The following GDAP1 variants were observed in gnomAD, a reference collection of about 807,000 sequenced individuals.
GDAP1 encodes ganglioside-induced differentiation-associated protein 1.
In GDAP1, 34 loss-of-function variants were observed where a neutral mutation model predicts 40.1. That is an observed-to-expected ratio of 0.85 (90% confidence interval 0.64 to 1.13). The LOEUF (loss-of-function observed/expected upper bound fraction) is 1.13. Among genes scored for constraint, GDAP1 ranks in the 50% most tolerant of loss-of-function variants. GDAP1 has a pLI of 0.00. For missense variants in GDAP1, 374 were observed against 433.7 expected, an observed-to-expected ratio of 0.86 and a Z score of 1.22; for synonymous variants, 170 against 157.4, an observed-to-expected ratio of 1.08 and a Z score of -0.60.
chr8:74,397,674 G>A (rs981045774), intron 2 of GDAP1, among the ~76,000 whole-genome samples: 146 of 151,942 alleles, frequency 9.6e-4, no homozygotes, highest in Non-Finnish European at 1.5e-3. Context: ...GTAGATATGC[G>A]GCATTATTTC....
chr8:74,404,568 A>G (rs1805614372), intron 2 of GDAP1, among the ~76,000 whole-genome samples: 3 of 149,830 alleles, frequency 2.0e-5, no homozygotes, highest in Admixed American at 6.6e-5. Flanking sequence ...CTCGGTGTGG[A>G]GTGAAGACTC....
chr8:74,411,741 G>A (rs1428809414), intron 2 of GDAP1, among the ~76,000 whole-genome samples: 1 of 147,136 alleles, frequency 6.8e-6, no homozygotes. Flanking sequence ...AAATTGCTAA[G>A]CATAGTGGCT....
chr8:74,480,298 T>G (rs1338368313), intron 2 of GDAP1, among the ~76,000 whole-genome samples: 1 of 152,124 alleles, frequency 6.6e-6, no homozygotes, highest in East Asian at 1.9e-4. Context: ...GCTCTGTATC[T>G]TGATGGATGG....
At chr8:74,486,627 T>C (rs1404545100) in intron 2 of GDAP1, among the ~76,000 whole-genome samples, 1 of 152,230 alleles carries the variant, frequency 6.6e-6, no homozygotes, top group Non-Finnish European at 1.5e-5. Context: ...TTGGGAGTTA[T>C]GAAGCACAGT....
At chr8:74,456,914 G>T (rs1211514133) in intron 2 of GDAP1, among the ~76,000 whole-genome samples, 1 of 152,024 alleles carries the variant, frequency 6.6e-6, no homozygotes. Context: ...AAGGAAATTT[G>T]TGGCTTTTTT....
intron 2 of GDAP1, among the ~76,000 whole-genome samples, chr8:74,373,133 AG>A (rs1228961785): frequency 6.6e-6 from 1 of 152,198 alleles, no homozygotes; most frequent in Non-Finnish European, 1.5e-5. Flanking sequence ...TTTTGGTACC[AG>A]TACCATGCTG....
downstream of GDAP1, among the ~76,000 whole-genome samples, chr8:74,371,399 G>T (rs1432925749): frequency 6.6e-6 from 1 of 152,274 alleles, no homozygotes; most frequent in East Asian, 1.9e-4. Context: ...GGTGGCTCAC[G>T]CCTGTAATCC....
chr8:74,401,945 G>A (rs1810349277), intron 2 of GDAP1, among the ~76,000 whole-genome samples: 1 of 150,100 alleles, frequency 6.7e-6, no homozygotes, highest in Non-Finnish European at 1.5e-5. Flanking sequence ...CCGGCCGTGT[G>A]GTGTCAGTCT....
chr8:74,394,180 AG>A, intron 2 of GDAP1, among the ~76,000 whole-genome samples: 1 of 152,162 alleles, frequency 6.6e-6, no homozygotes, highest in Non-Finnish European at 1.5e-5. Flanking sequence ...AAAGAGAGAG[AG>A]CTTGTGCAGG....
chr8:74,425,724 G>A (rs1196880112), intron 2 of GDAP1, among the ~76,000 whole-genome samples: 1 of 152,200 alleles, frequency 6.6e-6, no homozygotes, highest in Non-Finnish European at 1.5e-5. Context: ...CCTCTACTAT[G>A]TGGAAGATAC....
At chr8:74,376,442 G>A (rs1447737526) in intron 2 of GDAP1, among the ~76,000 whole-genome samples, 3 of 148,726 alleles carry the variant, frequency 2.0e-5, no homozygotes, top group East Asian at 2.0e-4. Context: ...TCTGCCTCCC[G>A]GGTTCACGCC....
chr8:74,465,357 A>C (rs527411097), intron 2 of GDAP1, among the ~76,000 whole-genome samples: 223 of 152,244 alleles, frequency 1.5e-3, no homozygotes, highest in African/African-American at 5.1e-3. Flanking sequence ...TTCTTGATAC[A>C]CCTGCTTCCC....
At chr8:74,439,671 T>C (rs567829461) in intron 2 of GDAP1, among the ~76,000 whole-genome samples, 8 of 152,100 alleles carry the variant, frequency 5.3e-5, no homozygotes, top group Admixed American at 3.3e-4. Flanking sequence ...TGCTATCTTA[T>C]ATTTTGCTGA....
intron 2 of GDAP1, among the ~76,000 whole-genome samples, chr8:74,405,248 A>T (rs936105230): frequency 6.7e-6 from 1 of 149,972 alleles, no homozygotes; most frequent in Non-Finnish European, 1.5e-5. Context: ...AATATGGGGG[A>T]ACCACCCCCA....
intron 2 of GDAP1, among the ~76,000 whole-genome samples, chr8:74,486,245 T>C (rs1396040456): frequency 6.6e-6 from 1 of 152,212 alleles, no homozygotes; most frequent in Non-Finnish European, 1.5e-5. Flanking sequence ...TCGTTTTTTA[T>C]TTTTTATGGC....
chr8:74,400,878 G>T (rs1810318817), intron 2 of GDAP1, among the ~76,000 whole-genome samples: 1 of 149,388 alleles, frequency 6.7e-6, no homozygotes, highest in Non-Finnish European at 1.5e-5. Flanking sequence ...TTGAATATTG[G>T]CCCCCACTCT....
intron 2 of GDAP1, among the ~76,000 whole-genome samples, chr8:74,377,816 G>C (rs1809882484): frequency 6.6e-6 from 1 of 152,160 alleles, no homozygotes; most frequent in African/African-American, 2.4e-5. Flanking sequence ...TGTTTGTGCA[G>C]GCTTTCACTT....
chr8:74,363,900 C>A (rs1450930493), intron 5 of GDAP1, 85 bp from the exon 6 acceptor site: 1 of 1,127,084 alleles, frequency 8.9e-7, no homozygotes, highest in Non-Finnish European at 1.4e-6. Flanking sequence ...TCACACTCAC[C>A]CTTAAGGGTG....
chr8:74,443,376 T>G (rs1806185363), intron 2 of GDAP1, among the ~76,000 whole-genome samples: 1 of 152,218 alleles, frequency 6.6e-6, no homozygotes, highest in Non-Finnish European at 1.5e-5. Context: ...CCTTTCCAGT[T>G]TCTTTAAAAG....
Sources: allele counts gnomAD v4.1 joint callset (sites outside exome capture counted in the v4.1 genomes callset), GRCh38; gene constraint gnomAD v4.1.1; transcripts MANE v1.5; gene names NCBI Gene and HGNC (gene_info 2026-07-23, HGNC 2026-07-21).